Variants in TBCE observed in about 807,000 individuals in gnomAD.
TBCE encodes the protein tubulin-specific chaperone E.
In TBCE, 53 loss-of-function variants were observed where a neutral mutation model predicts 77.0. That is an observed-to-expected ratio of 0.69 (90% confidence interval 0.55 to 0.87). The LOEUF is 0.87. TBCE is among the 40% of genes least tolerant of loss of function. TBCE has a pLI of 0.00. For missense variants in TBCE, 624 were observed against 622.4 expected (o/e 1.00, Z -0.03); for synonymous variants, 235 against 241.3 (o/e 0.97, Z 0.24).
intron 3 of TBCE, 91 bp downstream of exon 3, chr1:235,401,678 C>A: frequency 2.7e-6 from 3 of 1,106,904 alleles, no homozygotes; most frequent in Non-Finnish European, 4.1e-6. Flanking sequence ...AAATGTTTGG[C>A]TCATGGAGTA....
rs1252878837 is a variant in TBCE, at chr1:235,427,169, C to CTGT, written c.494_496dup (p.Leu165dup). 6.2e-7 allele frequency: 1 copy of CTGT among 1,613,960 alleles called. No homozygotes were observed. Among genetic ancestry groups the CTGT allele is most frequent in the Non-Finnish European group, 8.5e-7 (1 of 1,179,914 alleles). On this transcript the variant is annotated inframe_insertion, in exon 6 of 17. Coordinates refer to ENST00000642610, the MANE Select transcript of TBCE (RefSeq NM_003193.5). ...CAGAAAGGTAGATTTGTCAAAAAAC[C>CTGT]TGTTGTCATCATGGGATGAAGTGAT...
At chr1:235,429,600 G>C (rs1037552123) in intron 6 of TBCE, 8 of 152,246 alleles carry the variant, frequency 5.3e-5, no homozygotes, top group East Asian at 1.9e-4. Flanking sequence ...ATTCTGTTTT[G>C]ATAAGGATTT....
chr1:235,392,183 A>G (rs1678426884), intron 2 of TBCE, among the ~76,000 whole-genome samples: 1 of 151,484 alleles, frequency 6.6e-6, no homozygotes, highest in African/African-American at 2.4e-5. Context: ...ATAAATAAAT[A>G]AGTACATAAA....
At chr1:235,423,335 G>C (rs1680511977) in intron 5 of TBCE, among the ~76,000 whole-genome samples, 1 of 152,130 alleles carries the variant, frequency 6.6e-6, no homozygotes, top group Admixed American at 6.6e-5. Flanking sequence ...ATTGACAGCT[G>C]TTGTTCGTGG....
chr1:235,437,677 G>C (rs1250100841), intron 12 of TBCE, among the ~76,000 whole-genome samples: 1 of 151,828 alleles, frequency 6.6e-6, no homozygotes, highest in Non-Finnish European at 1.5e-5. Context: ...CTGCATGGTG[G>C]CACGCGCCTG....
rs189202164 is a variant in TBCE at position 235,448,214 on chromosome 1, C to A, written c.1400-135C>A. On this transcript the variant is annotated intron_variant, in intron 15 of 16. Coordinates refer to ENST00000642610, the MANE Select transcript of TBCE (RefSeq NM_003193.5). ...GACTTACTTAAGTAAGTAAGTAAGT[C>A]AGTCTCAAAAAAAAAAAAAAAAAAA... 44 of 686,072 alleles carry A rather than the reference C, an allele frequency of 6.4e-5. No homozygotes were observed. In the African/African-American group the frequency reaches 9.4e-4, roughly 15 times the overall value. The allele number at this position is 686,072 out of a possible 1,614,324, so 42.5% of individuals were successfully genotyped here. A position where few individuals can be genotyped will look rare whatever the true frequency, so the allele number is the denominator to read the frequency against.
rs376408656 is a variant in TBCE at position 235,371,361 on chromosome 1, T to C, written c.-32+3857T>C. 9.8e-4 allele frequency among the ~76,000 whole-genome samples: 148 copies of C among 150,804 alleles called. No homozygotes were observed. In the South Asian group the frequency reaches 0.014, roughly 14 times the overall value. ...GTGAGCCACCGCCCCCGGCCACTCTTGTCTTTTTTTTTTTCCCTTTTTTTT... is the reference window on the plus strand; with the variant it reads ...GTGAGCCACCGCCCCCGGCCACTCTCGTCTTTTTTTTTTTCCCTTTTTTTT... On this transcript the variant is annotated intron_variant, in intron 1 of 16. Coordinates refer to ENST00000642610, the MANE Select transcript of TBCE (RefSeq NM_003193.5).
rs1013371417 is a variant in TBCE at position 235,445,094 on chromosome 1, A to G, written c.1399+2183A>G. The stretch of plus-strand genomic sequence containing the variant: ...TTGGGTAGCTAGCAGAGATTCGACT[A>G]TCCATAGAAATTATATGTAAGAATT... On this transcript the variant is annotated intron_variant, in intron 15 of 16. Transcript: ENST00000642610. 5.9e-5 allele frequency among the ~76,000 whole-genome samples: 9 copies of G among 152,366 alleles called. No homozygotes were observed. In the Middle Eastern group the frequency reaches 0.01, roughly 173 times the overall value.
intron 4 of TBCE, among the ~76,000 whole-genome samples, chr1:235,416,343 C>G (rs2102886513): frequency 6.6e-6 from 1 of 151,776 alleles, no homozygotes; most frequent in Non-Finnish European, 1.5e-5. Context: ...AAAACCCTGT[C>G]TCTACAAAAA....
chr1:235,436,717 G>C, intron 11 of TBCE, 109 bp downstream of exon 11: 1 of 1,065,582 alleles, frequency 9.4e-7, no homozygotes, highest in Non-Finnish European at 1.4e-6. Flanking sequence ...TAAATCGAAA[G>C]AGAAATACCT....
At chr1:235,394,075 A>ATTTTTTTTTTT (rs1678569829) in intron 2 of TBCE, among the ~76,000 whole-genome samples, 1 of 151,596 alleles carries the variant, frequency 6.6e-6, no homozygotes, top group African/African-American at 2.4e-5. Context: ...ATTTTATTTT[A>ATTTTTTTTTTT]TTTTTATTTA....
At chr1:235,398,237 C>T (rs576323174) in intron 2 of TBCE, among the ~76,000 whole-genome samples, 1 of 151,382 alleles carries the variant, frequency 6.6e-6, no homozygotes, top group East Asian at 1.9e-4. Flanking sequence ...CCTACACCTC[C>T]TGGGTTCCAG....
Position 235,410,152 on chromosome 1 carries a change from CAGG to C in TBCE, c.186-4278_186-4276del, listed in dbSNP as rs550413067. On this transcript the variant is annotated intron_variant, in intron 3 of 16. Transcript: ENST00000642610. ...ATTGCTTCAACCCGGGAGGCTGAGGCAGGAGAATTGCTTCAACCAGGGAGGCTG... is the reference window on the plus strand; with the variant it reads ...ATTGCTTCAACCCGGGAGGCTGAGGCAGAATTGCTTCAACCAGGGAGGCTG... Among the ~76,000 whole-genome samples, 290 of 143,540 alleles carry C rather than the reference CAGG, an allele frequency of 2.0e-3. 2 individuals carry two copies. The highest frequency in any genetic ancestry group is 7.9e-3 in the African/African-American group (266 of 33,764). The allele number at this position is 143,540 out of a possible 152,430, so 94.2% of individuals were successfully genotyped here.
intron 2 of TBCE, among the ~76,000 whole-genome samples, chr1:235,392,413 T>C (rs916388486): frequency 4.6e-4 from 69 of 148,712 alleles, no homozygotes; most frequent in African/African-American, 8.3e-4. Context: ...TTTTTTTTTT[T>C]TTTTTTTTTT....
At chr1:235,403,223 T>G (rs535954174) in intron 3 of TBCE, among the ~76,000 whole-genome samples, 1 of 152,140 alleles carries the variant, frequency 6.6e-6, no homozygotes, top group South Asian at 2.1e-4. Context: ...TTTCTTTTTT[T>G]TGAGATGTAG....
At chr1:235,434,314 A>C in intron 8 of TBCE, 34 bp downstream of exon 8, 5 of 1,538,556 alleles carry the variant, frequency 3.2e-6, no homozygotes, top group Non-Finnish European at 4.5e-6. Flanking sequence ...ATCTATCCCC[A>C]TTTAATCATC....
At chr1:235,446,636 A>T (rs1488455357) in intron 15 of TBCE, among the ~76,000 whole-genome samples, 1 of 152,028 alleles carries the variant, frequency 6.6e-6, no homozygotes, top group Non-Finnish European at 1.5e-5. Context: ...AAAAATGGTA[A>T]TGCTATTTAT....
chr1:235,445,673 T>A (rs1466262133), intron 15 of TBCE, among the ~76,000 whole-genome samples: 1 of 152,002 alleles, frequency 6.6e-6, no homozygotes, highest in Admixed American at 6.6e-5. Flanking sequence ...CAATATCTTT[T>A]TTTTTATCCA....
intron 5 of TBCE, among the ~76,000 whole-genome samples, chr1:235,425,952 C>A (rs963455940): frequency 6.6e-6 from 1 of 152,208 alleles, no homozygotes; most frequent in Admixed American, 6.5e-5. Flanking sequence ...CACAGACAGG[C>A]CTGCCTGTGA....
Sources: gnomAD v4.1 joint callset for allele counts (sites outside exome capture counted in the v4.1 genomes callset) on GRCh38, gnomAD v4.1.1 for gene constraint, MANE v1.5 for transcripts, NCBI Gene and HGNC (gene_info 2026-07-23, HGNC 2026-07-21) for gene names.